The following GDPD5 variants were observed in gnomAD, a reference collection of about 807,000 sequenced individuals.
GDPD5 encodes the protein glycerophosphodiester phosphodiesterase 2.
A neutral mutation model predicts 75.1 loss-of-function variants in GDPD5; 48 were observed. That is an observed-to-expected ratio of 0.64 (90% CI 0.51 to 0.81). The LOEUF (loss-of-function observed/expected upper bound fraction) is 0.81, where lower values mean the gene tolerates loss of function less well. GDPD5 is among the 40% of genes least tolerant of loss of function. The pLI is 0.00. For synonymous variants in GDPD5, 336 were observed against 339.0 expected (o/e 0.99, Z 0.10); for missense variants, 706 against 822.6 (o/e 0.86, Z 1.73).
chr11:75,486,232 C>G (rs533852628), intron 2 of GDPD5, among the ~76,000 whole-genome samples: 1 of 152,338 alleles, frequency 6.6e-6, no homozygotes, highest in East Asian at 1.9e-4. Flanking sequence ...CCTGATCCCT[C>G]CCTGTTCTGA....
chr11:75,436,097 C>T lies in GDPD5; in HGVS notation c.1670-442G>A, dbSNP rs144284969. Among the ~76,000 whole-genome samples the T allele has an allele frequency of 9.2e-5, 14 of 152,174 alleles. No homozygotes were observed. In the East Asian group the frequency reaches 2.5e-3, roughly 27 times the overall value. ...TCATGGCAACTCCAGACCCTGCTTCCTTCTGCCCTGGCCATATTCTGTATG... is the reference window on the plus strand; with the variant it reads ...TCATGGCAACTCCAGACCCTGCTTCTTTCTGCCCTGGCCATATTCTGTATG... On this transcript the variant is annotated intron_variant, in intron 16 of 16. Coordinates refer to ENST00000336898, the MANE Select transcript of GDPD5 (RefSeq NM_030792.8).
chr11:75,438,624 G>A (rs1307116084), intron 15 of GDPD5: 2 of 152,354 alleles, frequency 1.3e-5, no homozygotes, highest in South Asian at 2.1e-4. Context: ...TGACCCAGGA[G>A]GGGCTAAGGC....
intron 15 of GDPD5, chr11:75,438,423 A>C (rs184801536): frequency 6.5e-4 from 99 of 152,330 alleles, no homozygotes; most frequent in African/African-American, 2.3e-3. Context: ...TGTGCCAGCC[A>C]CTGAATCACC....
intron 3 of GDPD5, among the ~76,000 whole-genome samples, chr11:75,464,288 A>G (rs1000891914): frequency 1.3e-5 from 2 of 152,222 alleles, no homozygotes; most frequent in Non-Finnish European, 2.9e-5. Context: ...CACCTCTATG[A>G]AATGAGGGCA....
chr11:75,454,103 G>C (rs1215455557), intron 6 of GDPD5, among the ~76,000 whole-genome samples: 33 of 152,164 alleles, frequency 2.2e-4, no homozygotes, highest in Non-Finnish European at 1.0e-4. Flanking sequence ...AAACTAGGAA[G>C]AATTATTTGC....
chr11:75,466,135 G>A (rs1168598910), intron 3 of GDPD5, among the ~76,000 whole-genome samples: 1 of 152,220 alleles, frequency 6.6e-6, no homozygotes, highest in African/African-American at 2.4e-5. Context: ...GGCATGGAAG[G>A]AATGCAGGCA....
At chr11:75,491,042 G>T (rs569257673) in intron 1 of GDPD5, among the ~76,000 whole-genome samples, 2 of 152,318 alleles carry the variant, frequency 1.3e-5, no homozygotes, top group South Asian at 4.1e-4. Flanking sequence ...ATCACATAGA[G>T]GCAGAGCCAG....
intron 3 of GDPD5, among the ~76,000 whole-genome samples, chr11:75,474,797 G>A (rs1949745433): frequency 6.6e-6 from 1 of 152,196 alleles, no homozygotes; most frequent in Non-Finnish European, 1.5e-5. Context: ...AGGATTCCAA[G>A]CCTGGCATTC....
intron 1 of GDPD5, among the ~76,000 whole-genome samples, chr11:75,496,685 T>C (rs767313891): frequency 5.9e-5 from 9 of 152,122 alleles, no homozygotes; most frequent in Non-Finnish European, 1.2e-4. Context: ...CTGGACATAC[T>C]CTCTGTACGA....
intron 1 of GDPD5, among the ~76,000 whole-genome samples, chr11:75,494,173 T>C (rs1396491720): frequency 6.6e-6 from 1 of 151,572 alleles, no homozygotes; most frequent in Non-Finnish European, 1.5e-5. Context: ...AAACATACAA[T>C]AAATTTTCCT....
intron 11 of GDPD5, 181 bp from the exon 12 acceptor site, chr11:75,442,762 C>T (rs1948859147): frequency 3.2e-6 from 2 of 622,000 alleles, no homozygotes; most frequent in East Asian, 5.5e-5. Context: ...TTCTACCCCA[C>T]ACCCTGCTTA....
chr11:75,467,128 C>G (rs1565197925), intron 3 of GDPD5, among the ~76,000 whole-genome samples: 1 of 152,194 alleles, frequency 6.6e-6, no homozygotes, highest in Non-Finnish European at 1.5e-5. Flanking sequence ...TGGCACCCAC[C>G]ACTGTGACCC....
chr11:75,470,784 A>G (rs1429191628), intron 3 of GDPD5, among the ~76,000 whole-genome samples: 1 of 152,246 alleles, frequency 6.6e-6, no homozygotes. Flanking sequence ...CACCAAATGG[A>G]TGCTTCAGCT....
At chr11:75,507,972 T>C (rs371540658) in intron 1 of GDPD5, among the ~76,000 whole-genome samples, 5 of 151,956 alleles carry the variant, frequency 3.3e-5, no homozygotes, top group African/African-American at 1.2e-4. Flanking sequence ...GTTGCTTTTT[T>C]TTTTTCCACA....
intron 3 of GDPD5, among the ~76,000 whole-genome samples, chr11:75,473,681 C>G (rs1488706545): frequency 6.6e-6 from 1 of 152,126 alleles, no homozygotes; most frequent in Non-Finnish European, 1.5e-5. Context: ...AGGCTCAGGC[C>G]CACTGAGCAG....
intron 1 of GDPD5, among the ~76,000 whole-genome samples, chr11:75,515,288 G>T (rs186785018): frequency 1.3e-5 from 2 of 152,216 alleles, no homozygotes; most frequent in Non-Finnish European, 2.9e-5. Context: ...CTCCCACATG[G>T]TTTCCATGCA....
chr11:75,444,625 C>G (rs768336286), intron 9 of GDPD5, 130 bp from the exon 10 acceptor site: 56 of 667,712 alleles, frequency 8.4e-5, no homozygotes, highest in Non-Finnish European at 1.4e-4. Context: ...CACAGAGTAG[C>G]TGTGTGACCC....
At chr11:75,474,399 T>G (rs956841303) in intron 3 of GDPD5, among the ~76,000 whole-genome samples, 2 of 152,332 alleles carry the variant, frequency 1.3e-5, no homozygotes, top group Admixed American at 6.5e-5. Flanking sequence ...AAGTCCTTAA[T>G]TGGCAGTATT....
intron 2 of GDPD5, among the ~76,000 whole-genome samples, chr11:75,488,510 A>C (rs962795382): frequency 6.6e-6 from 1 of 152,046 alleles, no homozygotes; most frequent in Non-Finnish European, 1.5e-5. Flanking sequence ...ACTTGTACAG[A>C]GCAATCTTGT....
Sources: gnomAD v4.1 joint callset for allele counts (sites outside exome capture counted in the v4.1 genomes callset) on GRCh38, gnomAD v4.1.1 for gene constraint, MANE v1.5 for transcripts, NCBI Gene and HGNC (gene_info 2026-07-23, HGNC 2026-07-21) for gene names.